Variants in NTNG1 observed in about 807,000 individuals in gnomAD.
NTNG1 encodes netrin-G1.
Under a neutral mutation model 54.0 loss-of-function variants are expected in NTNG1, and 16 were observed. That is an observed-to-expected ratio of 0.30 (90% CI 0.20 to 0.45). The LOEUF (loss-of-function observed/expected upper bound fraction) is 0.45. NTNG1 is among the 20% of genes least tolerant of loss of function. NTNG1 has a pLI of 1.00. For missense variants in NTNG1, 530 were observed against 678.7 expected, an observed-to-expected ratio of 0.78 and a Z score of 2.43; for synonymous variants, 255 against 263.1, an observed-to-expected ratio of 0.97 and a Z score of 0.30.
At chr1:107,242,359 C>G (rs372497315) in intron 2 of NTNG1, among the ~76,000 whole-genome samples, 2 of 152,242 alleles carry the variant, frequency 1.3e-5, no homozygotes, top group South Asian at 4.2e-4. Context: ...CTCTCTCACT[C>G]TCTCTTTCTA....
chr1:107,388,911 T>C (rs200198635), intron 3 of NTNG1, among the ~76,000 whole-genome samples: 1 of 152,162 alleles, frequency 6.6e-6, no homozygotes, highest in East Asian at 1.9e-4. Context: ...AAAAAGATAT[T>C]TACAAGCTCC....
At chr1:107,387,309 A>G (rs1295687047) in intron 3 of NTNG1, among the ~76,000 whole-genome samples, 1 of 152,214 alleles carries the variant, frequency 6.6e-6, no homozygotes, top group Non-Finnish European at 1.5e-5. Context: ...GTTTGGGCCA[A>G]AAATTTTATT....
intron 2 of NTNG1, among the ~76,000 whole-genome samples, chr1:107,288,936 C>T (rs1665397128): frequency 6.6e-6 from 1 of 152,102 alleles, no homozygotes; most frequent in Admixed American, 6.6e-5. Flanking sequence ...GTTTTTTATA[C>T]ACACAAAGTA....
chr1:107,302,852 G>T (rs1301612056), intron 2 of NTNG1, among the ~76,000 whole-genome samples: 1 of 152,068 alleles, frequency 6.6e-6, no homozygotes, highest in Non-Finnish European at 1.5e-5. Context: ...ATTTTGTTTT[G>T]TTTTATATTT....
chr1:107,330,001 GA>G (rs1197916718), intron 3 of NTNG1, among the ~76,000 whole-genome samples: 1 of 152,122 alleles, frequency 6.6e-6, no homozygotes, highest in Non-Finnish European at 1.5e-5. Context: ...AATCTGGAAA[GA>G]TTAGTAAAAC....
At chr1:107,318,728 G>T (rs1667477306) in intron 2 of NTNG1, among the ~76,000 whole-genome samples, 2 of 152,080 alleles carry the variant, frequency 1.3e-5, no homozygotes, top group South Asian at 4.1e-4. Context: ...GCATCCAATG[G>T]GGGGTCTTGG....
At chr1:107,418,143 C>T (rs776068004) in intron 5 of NTNG1, among the ~76,000 whole-genome samples, 4 of 151,980 alleles carry the variant, frequency 2.6e-5, no homozygotes, top group Admixed American at 6.6e-5. Flanking sequence ...AAACATACCC[C>T]GAAGAATCTA....
At chr1:107,449,099 T>A (rs947246455) in intron 7 of NTNG1, among the ~76,000 whole-genome samples, 2 of 152,072 alleles carry the variant, frequency 1.3e-5, no homozygotes, top group African/African-American at 4.8e-5. Context: ...TATTAATTGC[T>A]TATTTGAAAA....
At chr1:107,395,539 A>T in intron 4 of NTNG1, 1 of 728,584 alleles carries the variant, frequency 1.4e-6, no homozygotes. Flanking sequence ...TTCACATCAA[A>T]TGTGTTGGGA....
intron 2 of NTNG1, among the ~76,000 whole-genome samples, chr1:107,292,415 T>C (rs531206091): frequency 6.6e-6 from 1 of 151,818 alleles, no homozygotes; most frequent in Non-Finnish European, 1.5e-5. Flanking sequence ...CAGGAGAGGG[T>C]TTCCCCCGCC....
chr1:107,483,485 T>A lies in NTNG1; in HGVS notation c.*2645T>A, dbSNP rs1007864520. 3 of 152,238 alleles carry A rather than the reference T, an allele frequency of 2.0e-5. No homozygotes were observed. The highest frequency in any genetic ancestry group is 6.5e-5 in the Admixed American group (1 of 15,288). The allele number at this position is 152,238 out of a possible 1,614,324, so 9.4% of individuals were successfully genotyped here. ...TACAACAAATGGAAATGAAATGTTCTTTTTAAATCTGGATTCTCAAGTTCT... is the reference window on the plus strand; with the variant it reads ...TACAACAAATGGAAATGAAATGTTCATTTTAAATCTGGATTCTCAAGTTCT... On this transcript the variant is annotated 3_prime_UTR_variant, in exon 8 of 8. Coordinates refer to ENST00000370068, the MANE Select transcript of NTNG1 (RefSeq NM_001113226.3).
rs141875067 is a variant in NTNG1, at chr1:107,225,862, A to G, written c.246+77023A>G. On this transcript the variant is annotated intron_variant, in intron 2 of 7. Transcript: ENST00000370068. ...ACCCTTTCCGGGCAATTAACATATG[A>G]ATTGCTCAGATAGCCACTGGGGACA... Among the ~76,000 whole-genome samples, 1,444 of 152,194 alleles carry G rather than the reference A, an allele frequency of 9.5e-3. 19 individuals carry two copies. Among genetic ancestry groups the G allele is most frequent in the African/African-American group, 0.032 (1,342 of 41,536 alleles).
upstream of NTNG1, chr1:107,140,135 A>G (rs1223630091): frequency 6.5e-6 from 1 of 154,630 alleles, no homozygotes; most frequent in Admixed American, 6.5e-5. Context: ...CAGCCGGAGC[A>G]GCACCAGCAA....
chr1:107,393,682 C>T (rs1340626047), intron 3 of NTNG1, among the ~76,000 whole-genome samples: 2 of 151,682 alleles, frequency 1.3e-5, no homozygotes, highest in Non-Finnish European at 2.9e-5. Flanking sequence ...TAGGACTACA[C>T]CTTTTAGTTA....
At chr1:107,276,991 G>A (rs1664522657) in intron 2 of NTNG1, among the ~76,000 whole-genome samples, 1 of 152,134 alleles carries the variant, frequency 6.6e-6, no homozygotes, top group African/African-American at 2.4e-5. Flanking sequence ...AGAGGAAGCT[G>A]GGGGAGGCTG....
intron 3 of NTNG1, among the ~76,000 whole-genome samples, chr1:107,332,817 T>C (rs1668361787): frequency 6.6e-6 from 1 of 152,074 alleles, no homozygotes; most frequent in Admixed American, 6.6e-5. Context: ...ACTAAGTATA[T>C]TAGTTTAACC....
intron 2 of NTNG1, 81 bp from the exon 3 acceptor site, chr1:107,324,201 C>A: frequency 7.6e-7 from 1 of 1,319,316 alleles, no homozygotes; most frequent in Non-Finnish European, 1.1e-6. Flanking sequence ...CTTTTCTAGC[C>A]TCTTACTGAG....
chr1:107,201,114 T>G (rs1478115484), intron 2 of NTNG1, among the ~76,000 whole-genome samples: 1 of 151,824 alleles, frequency 6.6e-6, no homozygotes, highest in Non-Finnish European at 1.5e-5. Context: ...CCTCAAAAAC[T>G]TGTACCTTTA....
chr1:107,454,686 G>A (rs184364118), intron 7 of NTNG1, among the ~76,000 whole-genome samples: 148 of 152,230 alleles, frequency 9.7e-4, no homozygotes, highest in Non-Finnish European at 1.7e-3. Context: ...TGCATAAATA[G>A]CTATCATCTA....
Sources: allele counts gnomAD v4.1 joint callset (sites outside exome capture counted in the v4.1 genomes callset), GRCh38; gene constraint gnomAD v4.1.1; transcripts MANE v1.5; gene names NCBI Gene and HGNC (gene_info 2026-07-23, HGNC 2026-07-21).